The following HDHD2 variants were observed in gnomAD, a reference collection of about 807,000 sequenced individuals.
HDHD2 encodes the protein haloacid dehalogenase-like hydrolase domain-containing protein 2.
Under a neutral mutation model 24.8 loss-of-function variants are expected in HDHD2, and 26 were observed. That is an observed-to-expected ratio of 1.05 (90% CI 0.77 to 1.45). The LOEUF (loss-of-function observed/expected upper bound fraction) is 1.45. HDHD2 is among the 40% of genes most tolerant of loss of function. The probability of loss-of-function intolerance (pLI) is 0.00; values close to 1 mark genes in which losing one functional copy is unlikely to be tolerated. For synonymous variants in HDHD2, 128 were observed against 114.9 expected (o/e 1.11, Z -0.73); for missense variants, 299 against 313.4 (o/e 0.95, Z 0.35).
At chr18:47,133,685 G>C (rs1466410435) in intron 3 of HDHD2, among the ~76,000 whole-genome samples, 2 of 152,082 alleles carry the variant, frequency 1.3e-5, no homozygotes, top group African/African-American at 4.8e-5. Context: ...ACTGGTGTGA[G>C]ATGATATCTC....
At position 47,136,363 on chromosome 18, in the gene HDHD2, G is replaced by C. The variant is rs755358634; in HGVS notation, c.77C>G (p.Pro26Arg). 36 of 1,613,278 alleles carry C rather than the reference G, an allele frequency of 2.2e-5. No homozygotes were observed. The highest frequency in any genetic ancestry group is 3.1e-5 in the Non-Finnish European group (36 of 1,179,672). The stretch of plus-strand genomic sequence containing the variant: ...CCTTTTAAGAGCTTCCTGTGCGCCT[G>C]GCACAGCTGCATCTTCAATGTGAAG... Reference protein sequence around the residue: ...GTLHIEDAAVPGAQEALKRLR... With the variant: ...GTLHIEDAAVRGAQEALKRLR... Residue 26 changes from proline to arginine, a missense_variant, in exon 2 of 7, where the codon CCA becomes CGA. Coordinates refer to ENST00000300605, the MANE Select transcript of HDHD2 (RefSeq NM_032124.5).
chr18:47,115,959 G>C (rs1247028539), intron 4 of HDHD2, among the ~76,000 whole-genome samples: 1 of 152,058 alleles, frequency 6.6e-6, no homozygotes, highest in African/African-American at 2.4e-5. Flanking sequence ...ATTTACAGGA[G>C]ACCCTTCCCC....
intron 1 of HDHD2, among the ~76,000 whole-genome samples, chr18:47,138,655 GATAT>G (rs2063790591): frequency 6.6e-6 from 1 of 152,208 alleles, no homozygotes; most frequent in Admixed American, 6.5e-5. Context: ...ATAACAGTGT[GATAT>G]ATAAATATAC....
Position 47,108,799 on chromosome 18 carries a change from A to G in HDHD2, c.677-14T>C, listed in dbSNP as rs770495378. 6.5e-7 allele frequency: 1 copy of G among 1,534,114 alleles called. No individual in the cohort carries two copies. Among genetic ancestry groups the G allele is most frequent in the South Asian group, 1.1e-5 (1 of 89,080 alleles). ...CTCGATATTTCCCTGAAATGAAAGT[A>G]AAGCCAGTAAACACAGGCTGCCACC... On this transcript the variant is annotated splice_polypyrimidine_tract_variant and intron_variant, in intron 6 of 6. Coordinates refer to ENST00000300605, the MANE Select transcript of HDHD2 (RefSeq NM_032124.5).
At position 47,108,501 on chromosome 18, in the gene HDHD2, A is replaced by G. The variant is rs949414333; in HGVS notation, c.*181T>C. 13 of 461,628 alleles carry G rather than the reference A, an allele frequency of 2.8e-5. No homozygotes were observed. Among genetic ancestry groups the G allele is most frequent in the African/African-American group, 2.6e-4 (13 of 49,336 alleles). The allele number at this position is 461,628 out of a possible 1,614,324, so 28.6% of individuals were successfully genotyped here. ...CTTCAGTTACAAAATAAAAGAGATT[A>G]GCAAGGCTTACTGGCTAGCCGCAAT... On this transcript the variant is annotated 3_prime_UTR_variant, in exon 7 of 7. Transcript: ENST00000300605.
intron 6 of HDHD2, chr18:47,111,502 A>C: frequency 1.0e-6 from 1 of 985,338 alleles, no homozygotes; most frequent in South Asian, 4.7e-5. Context: ...GAAAACAAAG[A>C]TACATGGAGG....
chr18:47,127,854 T>G (rs2063674903), intron 4 of HDHD2, among the ~76,000 whole-genome samples: 1 of 152,214 alleles, frequency 6.6e-6, no homozygotes, highest in African/African-American at 2.4e-5. Context: ...AATGTGAAGT[T>G]TGATGTATCT....
intron 1 of HDHD2, chr18:47,137,301 C>G: frequency 2.4e-6 from 1 of 422,304 alleles, no homozygotes; most frequent in Non-Finnish European, 4.4e-6. Flanking sequence ...AGGTGTCTAG[C>G]GAAAAGGGAA....
intron 1 of HDHD2, among the ~76,000 whole-genome samples, chr18:47,148,507 A>G (rs951531765): frequency 6.6e-6 from 1 of 152,178 alleles, no homozygotes; most frequent in African/African-American, 2.4e-5. Context: ...TACATATTCA[A>G]TGCAAAGAAG....
chr18:47,149,954 C>G (rs2063913480), intron 1 of HDHD2: 1 of 152,588 alleles, frequency 6.6e-6, no homozygotes, highest in South Asian at 2.1e-4. Context: ...TCTTTCAGCA[C>G]CAACTCAACT....
At chr18:47,123,246 C>T (rs775385974) in intron 4 of HDHD2, among the ~76,000 whole-genome samples, 6 of 151,994 alleles carry the variant, frequency 3.9e-5, no homozygotes, top group Non-Finnish European at 8.8e-5. Flanking sequence ...ATACAAAAAC[C>T]CAATTAGCTT....
At chr18:47,111,670 A>T in intron 6 of HDHD2, 3 of 985,428 alleles carry the variant, frequency 3.0e-6, no homozygotes, top group Non-Finnish European at 3.6e-6. Context: ...TACTATCTGC[A>T]AGGCTCCAAT....
At chr18:47,135,801 C>A (rs1207252462) in intron 2 of HDHD2, among the ~76,000 whole-genome samples, 2 of 151,988 alleles carry the variant, frequency 1.3e-5, no homozygotes, top group Admixed American at 1.3e-4. Flanking sequence ...TCATTTGTAT[C>A]CAGACTTCTG....
At chr18:47,122,216 T>C (rs1296936693) in intron 4 of HDHD2, among the ~76,000 whole-genome samples, 1 of 152,236 alleles carries the variant, frequency 6.6e-6, no homozygotes, top group Non-Finnish European at 1.5e-5. Context: ...CTATGACAAC[T>C]ATTTTTATTC....
At chr18:47,141,567 A>C (rs1418418117) in intron 1 of HDHD2, among the ~76,000 whole-genome samples, 1 of 152,232 alleles carries the variant, frequency 6.6e-6, no homozygotes, top group Non-Finnish European at 1.5e-5. Flanking sequence ...TGATTTACTC[A>C]ATCATTTATT....
chr18:47,119,867 G>A (rs1032805874), intron 4 of HDHD2, among the ~76,000 whole-genome samples: 1 of 152,178 alleles, frequency 6.6e-6, no homozygotes, highest in African/African-American at 2.4e-5. Context: ...GTGGCAGAAT[G>A]GGTGTTGTGT....
At position 47,108,720 on chromosome 18, in the gene HDHD2, G is replaced by T; in HGVS notation, c.742C>A (p.Pro248Thr). ...PPPYLTCESF[P>T]HAVDHILQHL... ...TGCAGAATGTGGTCCACAGCATGAG[G>T]GAAACTCTCACAAGTTAAGTAAGGA... Residue 248 changes from proline to threonine, a missense_variant, in exon 7 of 7, where the codon CCT becomes ACT. By Grantham distance (38) the Pro-to-Thr change is conservative (BLOSUM62 -1). Coordinates refer to ENST00000300605, the MANE Select transcript of HDHD2 (RefSeq NM_032124.5). 1.9e-6 allele frequency: 3 copies of T among 1,610,000 alleles called. No homozygotes were observed. The highest frequency in any genetic ancestry group is 2.5e-6 in the Non-Finnish European group (3 of 1,176,770).
intron 1 of HDHD2, among the ~76,000 whole-genome samples, chr18:47,140,256 C>T (rs960571845): frequency 2.0e-5 from 3 of 152,180 alleles, no homozygotes; most frequent in East Asian, 1.9e-4. Flanking sequence ...ACTAGAACTA[C>T]ATTTAATCTA....
chr18:47,119,953 T>G (rs1399748099), intron 4 of HDHD2, among the ~76,000 whole-genome samples: 1 of 152,246 alleles, frequency 6.6e-6, no homozygotes, highest in Non-Finnish European at 1.5e-5. Context: ...GCTTTGTCCA[T>G]GAGCAGTAAT....
Sources: gnomAD v4.1 joint callset for allele counts (sites outside exome capture counted in the v4.1 genomes callset) on GRCh38, gnomAD v4.1.1 for gene constraint, MANE v1.5 for transcripts, NCBI Gene and HGNC (gene_info 2026-07-23, HGNC 2026-07-21) for gene names.